CTNNA3: variants seen among roughly 807,000 people sequenced by gnomAD.
CTNNA3 encodes the protein catenin alpha 3, also known as catenin alpha-3.
A neutral mutation model predicts 95.7 loss-of-function variants in CTNNA3; 76 were observed. The observed-to-expected ratio is 0.79, with a 90% CI of 0.66 to 0.96. CTNNA3 has a LOEUF of 0.96. Ranked by LOEUF, CTNNA3 falls within the 40% of genes least tolerant of loss-of-function variation. The probability of loss-of-function intolerance (pLI) is 0.00; values close to 1 mark genes in which losing one functional copy is unlikely to be tolerated. For missense variants in CTNNA3, 1,191 were observed against 1,089.8 expected (o/e 1.09, Z -1.31); for synonymous variants, 431 against 374.4 (o/e 1.15, Z -1.74).
chr10:67,273,332 A>C (rs114090896), intron 5 of CTNNA3, among the ~76,000 whole-genome samples: 1,538 of 152,284 alleles, frequency 0.01, 29 homozygotes, highest in African/African-American at 0.035. Flanking sequence ...CTTACAAAGA[A>C]AGACATATAA....
At chr10:66,309,438 ATCTC>A (rs2132253283) in intron 12 of CTNNA3, among the ~76,000 whole-genome samples, 1 of 152,162 alleles carries the variant, frequency 6.6e-6, no homozygotes, top group East Asian at 1.9e-4. Context: ...CACGCCTGTA[ATCTC>A]AGCACTTTGG....
At chr10:66,120,311 A>G (rs1324535633) in intron 13 of CTNNA3, among the ~76,000 whole-genome samples, 1 of 152,192 alleles carries the variant, frequency 6.6e-6, no homozygotes, top group Non-Finnish European at 1.5e-5. Flanking sequence ...AGTACTGAAT[A>G]TAGTGCCAAG....
chr10:66,854,748 T>TA (rs915604292), intron 7 of CTNNA3, among the ~76,000 whole-genome samples: 14 of 151,752 alleles, frequency 9.2e-5, no homozygotes, highest in African/African-American at 3.4e-4. Flanking sequence ...ATGTCATTTT[T>TA]TTTTTTTGTC....
rs947862527 is a variant in CTNNA3, at chr10:65,956,851, G to T, written c.2400+9761C>A. 2.0e-5 allele frequency among the ~76,000 whole-genome samples: 3 copies of T among 152,202 alleles called. No homozygotes were observed. In the East Asian group the frequency reaches 5.8e-4, roughly 29 times the overall value. On this transcript the variant is annotated intron_variant, in intron 17 of 17. Transcript: ENST00000433211. ...AATAAGTGCGACGTTGTGCTGAGAA[G>T]AATGTATATTCTATTGATTTGGGGT...
intron 5 of CTNNA3, among the ~76,000 whole-genome samples, chr10:67,229,576 C>T (rs1398990405): frequency 2.0e-5 from 3 of 152,176 alleles, no homozygotes; most frequent in Admixed American, 2.0e-4. Context: ...ACCCTAAATA[C>T]TCCTCCAGAA....
intron 5 of CTNNA3, among the ~76,000 whole-genome samples, chr10:67,411,429 A>G (rs532223754): frequency 2.0e-5 from 3 of 152,208 alleles, no homozygotes; most frequent in Admixed American, 2.0e-4. Flanking sequence ...TTTCTAGGTC[A>G]TTGACTCAAT....
intron 7 of CTNNA3, among the ~76,000 whole-genome samples, chr10:66,911,883 C>T (rs1846237184): frequency 6.6e-6 from 1 of 152,144 alleles, no homozygotes; most frequent in South Asian, 2.1e-4. Flanking sequence ...AGAATCAGGA[C>T]TAATGGCCTG....
chr10:67,212,276 C>A (rs546739225), intron 6 of CTNNA3, among the ~76,000 whole-genome samples: 2 of 152,012 alleles, frequency 1.3e-5, no homozygotes, highest in South Asian at 4.1e-4. Flanking sequence ...GTGTATGCAA[C>A]CTCTTTCTCC....
intron 3 of CTNNA3, among the ~76,000 whole-genome samples, chr10:67,553,447 T>C (rs939045354): frequency 2.0e-5 from 3 of 152,190 alleles, no homozygotes; most frequent in Admixed American, 6.5e-5. Flanking sequence ...CTAAACATTT[T>C]AAAGTCCTCT....
intron 7 of CTNNA3, among the ~76,000 whole-genome samples, chr10:67,019,029 C>A (rs1852828166): frequency 6.6e-6 from 1 of 152,122 alleles, no homozygotes; most frequent in Non-Finnish European, 1.5e-5. Flanking sequence ...TCTTCTGTTC[C>A]ATTCACTATT....
chr10:66,600,217 T>G (rs1464928741), intron 10 of CTNNA3, among the ~76,000 whole-genome samples: 2 of 151,856 alleles, frequency 1.3e-5, no homozygotes, highest in East Asian at 1.9e-4. Flanking sequence ...TTTTTCATGA[T>G]AGTAAATTAT....
chr10:67,391,953 T>C (rs1844509301), intron 5 of CTNNA3, among the ~76,000 whole-genome samples: 2 of 151,370 alleles, frequency 1.3e-5, no homozygotes, highest in South Asian at 2.1e-4. Context: ...ATAAAAACCC[T>C]AGAAGAAAAC....
At chr10:66,246,454 G>C (rs1344402728) in intron 13 of CTNNA3, among the ~76,000 whole-genome samples, 1 of 152,016 alleles carries the variant, frequency 6.6e-6, no homozygotes, top group Non-Finnish European at 1.5e-5. Context: ...CTTGTCCCCA[G>C]CTCCCAGCTG....
chr10:67,385,976 T>C (rs2132747544), intron 5 of CTNNA3, among the ~76,000 whole-genome samples: 1 of 152,300 alleles, frequency 6.6e-6, no homozygotes, highest in Non-Finnish European at 1.5e-5. Context: ...TAAAGGGACA[T>C]TTAAATAATA....
intron 7 of CTNNA3, among the ~76,000 whole-genome samples, chr10:66,950,487 C>T (rs937358727): frequency 1.6e-4 from 25 of 151,884 alleles, no homozygotes; most frequent in African/African-American, 6.0e-4. Context: ...CACTGAGACT[C>T]TAGTATATTA....
At chr10:67,210,151 C>CA (rs1864080281) in intron 6 of CTNNA3, among the ~76,000 whole-genome samples, 1 of 151,700 alleles carries the variant, frequency 6.6e-6, no homozygotes, top group Non-Finnish European at 1.5e-5. Flanking sequence ...ACTAAAAATA[C>CA]AAAAAATTAG....
At chr10:66,666,507 T>C (rs900724952) in intron 9 of CTNNA3, among the ~76,000 whole-genome samples, 2 of 152,162 alleles carry the variant, frequency 1.3e-5, no homozygotes, top group Non-Finnish European at 2.9e-5. Context: ...AAGAGTCTCT[T>C]ATATACTTGA....
chr10:67,175,614 C>A (rs1862203200), intron 7 of CTNNA3, among the ~76,000 whole-genome samples: 1 of 152,140 alleles, frequency 6.6e-6, no homozygotes, highest in East Asian at 1.9e-4. Flanking sequence ...TTAGTTCCTG[C>A]ATGGAGCTCA....
At chr10:67,579,373 G>A (rs1345978279) in intron 3 of CTNNA3, among the ~76,000 whole-genome samples, 1 of 152,000 alleles carries the variant, frequency 6.6e-6, no homozygotes, top group Non-Finnish European at 1.5e-5. Flanking sequence ...TCCCTACAAA[G>A]GACATCAACC....
Sources: gnomAD v4.1 joint callset for allele counts (sites outside exome capture counted in the v4.1 genomes callset) on GRCh38, gnomAD v4.1.1 for gene constraint, MANE v1.5 for transcripts, NCBI Gene and HGNC (gene_info 2026-07-23, HGNC 2026-07-21) for gene names.